The following MYO16 variants were observed in gnomAD, a reference collection of about 807,000 sequenced individuals.
MYO16 encodes the protein unconventional myosin-XVI.
Under a neutral mutation model 205.3 loss-of-function variants are expected in MYO16, and 94 were observed. That is an observed-to-expected ratio of 0.46 (90% confidence interval 0.39 to 0.54). The LOEUF is 0.54. Among genes scored for constraint, MYO16 ranks in the 20% least tolerant of loss-of-function variants. The pLI is 0.00. For missense variants in MYO16, 2,315 were observed against 2,387.5 expected, an observed-to-expected ratio of 0.97 and a Z score of 0.63; for synonymous variants, 988 against 954.0, an observed-to-expected ratio of 1.04 and a Z score of -0.66.
intron 27 of MYO16, among the ~76,000 whole-genome samples, chr13:109,068,812 A>C (rs1887837403): frequency 6.6e-6 from 1 of 152,160 alleles, no homozygotes; most frequent in Non-Finnish European, 1.5e-5. Context: ...GCTGGTCTCA[A>C]ACTCCTGACC....
At chr13:108,807,785 G>C (rs1455622125) in intron 7 of MYO16, among the ~76,000 whole-genome samples, 1 of 152,106 alleles carries the variant, frequency 6.6e-6, no homozygotes, top group Non-Finnish European at 1.5e-5. Flanking sequence ...AGAAAGAAAA[G>C]TCTAAGTTGG....
chr13:108,994,334 CAT>C (rs112708198), intron 21 of MYO16, among the ~76,000 whole-genome samples: 27,650 of 151,254 alleles, frequency 0.18, 2,662 homozygotes, highest in Middle Eastern at 0.22. Flanking sequence ...CACACACACA[CAT>C]ATATATATAT....
chr13:108,780,412 C>T (rs1458228586), intron 4 of MYO16, among the ~76,000 whole-genome samples: 1 of 148,164 alleles, frequency 6.7e-6, no homozygotes, highest in Non-Finnish European at 1.5e-5. Flanking sequence ...CTTTTTGCAT[C>T]TCTTCAATTA....
At position 108,866,193 on chromosome 13, in the gene MYO16, T is replaced by C; in HGVS notation, c.1376T>C (p.Ile459Thr). Residue 459 changes from isoleucine to threonine, a missense_variant, in exon 12 of 35, where the codon ATT becomes ACT. Physicochemically the swap from Ile to Thr is moderately conservative, Grantham distance 89 (BLOSUM62 -1). This residue lies in a region of MYO16 where 1,213 missense variants were observed against 1,274.4 expected (regional missense o/e 0.95). Coordinates refer to ENST00000457511, the MANE Select transcript of MYO16 (RefSeq NM_001198950.3). Reference sequence around the variant, plus strand: ...TTTTCACAGACATTCATTGGAGACATTCTTTTGCTTGTTAACCCATACAAG... The same window carrying C: ...TTTTCACAGACATTCATTGGAGACACTCTTTTGCTTGTTAACCCATACAAG... Reference protein sequence around the residue: ...NNQIYTFIGDILLLVNPYKEL... With the variant: ...NNQIYTFIGDTLLLVNPYKEL... 1.9e-6 allele frequency: 3 copies of C among 1,604,144 alleles called. No individual in the cohort carries two copies. The highest frequency in any genetic ancestry group is 2.6e-6 in the Non-Finnish European group (3 of 1,174,140).
At chr13:108,537,923 A>C in the MYO16 span, among the ~76,000 whole-genome samples, 281 of 152,182 alleles carry the variant, frequency 1.8e-3, no homozygotes, top group African/African-American at 6.3e-3. Flanking sequence ...ATCCTTTGTC[A>C]GATGCATAGT....
chr13:108,815,299 G>A (rs1232144318), intron 7 of MYO16, among the ~76,000 whole-genome samples: 1 of 152,118 alleles, frequency 6.6e-6, no homozygotes, highest in Non-Finnish European at 1.5e-5. Flanking sequence ...TATATTACAA[G>A]GCTAAATAAA....
intron 4 of MYO16, among the ~76,000 whole-genome samples, chr13:108,738,461 C>T (rs113256130): frequency 5.1e-4 from 77 of 152,216 alleles, no homozygotes; most frequent in Non-Finnish European, 9.7e-4. Context: ...GTGAGTTTCT[C>T]AATCCTGAGT....
intron 10 of MYO16, among the ~76,000 whole-genome samples, chr13:108,851,768 C>T (rs573881500): frequency 1.8e-4 from 28 of 152,252 alleles, no homozygotes; most frequent in East Asian, 7.7e-4. Flanking sequence ...TCACCACTCC[C>T]GCCTTTTCTC....
At chr13:108,824,046 A>G (rs184165440) in intron 9 of MYO16, among the ~76,000 whole-genome samples, 2 of 152,234 alleles carry the variant, frequency 1.3e-5, no homozygotes, top group Admixed American at 6.6e-5. Context: ...GACTGTGAAT[A>G]TCTAAATCAA....
intron 10 of MYO16, among the ~76,000 whole-genome samples, chr13:108,854,462 A>T (rs765496444): frequency 6.6e-6 from 1 of 152,214 alleles, no homozygotes; most frequent in Non-Finnish European, 1.5e-5. Context: ...CACTACATAG[A>T]CATGATAAGC....
intron 21 of MYO16, among the ~76,000 whole-genome samples, chr13:109,002,086 A>G (rs1212669397): frequency 2.6e-5 from 4 of 152,146 alleles, no homozygotes; most frequent in African/African-American, 9.7e-5. Context: ...ATCACCTGGA[A>G]AGCTTTTTAA....
intron 32 of MYO16, among the ~76,000 whole-genome samples, chr13:109,163,021 T>C (rs1878459196): frequency 6.6e-6 from 1 of 152,238 alleles, no homozygotes; most frequent in Admixed American, 6.5e-5. Context: ...GTTTTTTATG[T>C]ATAATGGAGT....
intron 34 of MYO16, among the ~76,000 whole-genome samples, chr13:109,181,925 T>C (rs1434720772): frequency 6.6e-6 from 1 of 151,966 alleles, no homozygotes; most frequent in Non-Finnish European, 1.5e-5. Context: ...GTTCAAGTGA[T>C]TCTCCTATCT....
chr13:108,685,667 T>G (rs1039542538), intron 2 of MYO16, among the ~76,000 whole-genome samples: 1 of 152,192 alleles, frequency 6.6e-6, no homozygotes, highest in Non-Finnish European at 1.5e-5. Context: ...CTGCCCAGAC[T>G]GCTATCACAA....
intron 16 of MYO16, among the ~76,000 whole-genome samples, chr13:108,913,839 G>A (rs910577281): frequency 1.3e-5 from 2 of 152,112 alleles, no homozygotes; most frequent in South Asian, 2.1e-4. Context: ...CAATCCCAGC[G>A]GCCATACTTC....
intron 4 of MYO16, among the ~76,000 whole-genome samples, chr13:108,754,698 A>C (rs1478044063): frequency 6.6e-6 from 1 of 152,180 alleles, no homozygotes; most frequent in Non-Finnish European, 1.5e-5. Context: ...GCTTTGGTAA[A>C]TTATGTTCTC....
chr13:108,978,052 T>A (rs1291965869), intron 20 of MYO16, among the ~76,000 whole-genome samples: 2 of 152,070 alleles, frequency 1.3e-5, no homozygotes, highest in Non-Finnish European at 2.9e-5. Context: ...TATTTCTTTT[T>A]CTATGAATCT....
At chr13:109,074,313 C>T (rs567620840) in intron 27 of MYO16, among the ~76,000 whole-genome samples, 4 of 152,292 alleles carry the variant, frequency 2.6e-5, no homozygotes, top group African/African-American at 9.6e-5. Flanking sequence ...ATGCTTTTGC[C>T]TCCTGTATTA....
intron 15 of MYO16, 136 bp from the exon 16 acceptor site, chr13:108,909,867 A>T (rs545215556): frequency 1.1e-6 from 1 of 950,924 alleles, no homozygotes; most frequent in Non-Finnish European, 1.5e-6. Flanking sequence ...AAAAGACAAT[A>T]AAATAAAATG....
Sources: allele counts gnomAD v4.1 joint callset (sites outside exome capture counted in the v4.1 genomes callset), GRCh38; gene constraint gnomAD v4.1.1; regional missense constraint gnomAD v4.1.1; transcripts MANE v1.5; gene names NCBI Gene and HGNC (gene_info 2026-07-23, HGNC 2026-07-21).